The following AGBL4 variants were observed in gnomAD, a reference collection of about 807,000 sequenced individuals.
AGBL4 encodes cytosolic carboxypeptidase 6.
Under a neutral mutation model 66.4 loss-of-function variants are expected in AGBL4, and 58 were observed. That is an observed-to-expected ratio of 0.87 (90% CI 0.71 to 1.09). The LOEUF (loss-of-function observed/expected upper bound fraction) is 1.09. Ranked by LOEUF, AGBL4 falls within the 50% of genes least tolerant of loss-of-function variation. The pLI is 0.00. For missense variants in AGBL4, 579 were observed against 631.0 expected (o/e 0.92, Z 0.88); for synonymous variants, 234 against 222.9 (o/e 1.05, Z -0.44).
intron 5 of AGBL4, among the ~76,000 whole-genome samples, chr1:48,944,132 A>G (rs1656250304): frequency 6.6e-6 from 1 of 152,162 alleles, no homozygotes; most frequent in South Asian, 2.1e-4. Flanking sequence ...ATGTAGAAAT[A>G]GTCAAGGTAA....
intron 1 of AGBL4, among the ~76,000 whole-genome samples, chr1:49,894,426 G>A (rs746289692): frequency 1.3e-5 from 2 of 152,116 alleles, no homozygotes; most frequent in Non-Finnish European, 2.9e-5. Flanking sequence ...TGACCTTTCA[G>A]ACAGAAAATT....
chr1:48,692,567 T>A (rs935741710), intron 6 of AGBL4, among the ~76,000 whole-genome samples: 1 of 152,212 alleles, frequency 6.6e-6, no homozygotes, highest in African/African-American at 2.4e-5. Flanking sequence ...CTAGGACCCC[T>A]CTTCCCATCA....
chr1:49,864,677 G>A (rs1646657935), intron 1 of AGBL4, among the ~76,000 whole-genome samples: 1 of 152,186 alleles, frequency 6.6e-6, no homozygotes, highest in Non-Finnish European at 1.5e-5. Flanking sequence ...TGGATCAGGA[G>A]ATCCCCTGAT....
At chr1:48,766,024 A>C (rs1421111077) in intron 6 of AGBL4, among the ~76,000 whole-genome samples, 2 of 152,190 alleles carry the variant, frequency 1.3e-5, no homozygotes, top group East Asian at 1.9e-4. Context: ...TTAGGAATAT[A>C]CCAAAAAACA....
At chr1:50,004,076 C>T (rs1201676797) in intron 1 of AGBL4, among the ~76,000 whole-genome samples, 1 of 152,190 alleles carries the variant, frequency 6.6e-6, no homozygotes, top group East Asian at 1.9e-4. Flanking sequence ...ACTGCTCCCC[C>T]ATCCTCTGGC....
intron 3 of AGBL4, among the ~76,000 whole-genome samples, chr1:49,307,967 T>C (rs770685884): frequency 6.6e-6 from 1 of 151,496 alleles, no homozygotes; most frequent in Non-Finnish European, 1.5e-5. Flanking sequence ...CGGTGGGAGG[T>C]GATTGAATCA....
At chr1:48,984,244 T>C (rs1659996062) in intron 5 of AGBL4, among the ~76,000 whole-genome samples, 1 of 151,750 alleles carries the variant, frequency 6.6e-6, no homozygotes, top group African/African-American at 2.4e-5. Context: ...CACTACCACT[T>C]TTCAGATGTG....
intron 2 of AGBL4, among the ~76,000 whole-genome samples, chr1:49,842,982 C>T (rs1343677657): frequency 6.6e-6 from 1 of 151,994 alleles, no homozygotes; most frequent in African/African-American, 2.4e-5. Context: ...AGGCTGGGCC[C>T]TGACATGTGC....
chr1:49,337,895 T>C (rs1335082292), intron 3 of AGBL4, among the ~76,000 whole-genome samples: 1 of 152,210 alleles, frequency 6.6e-6, no homozygotes, highest in Non-Finnish European at 1.5e-5. Context: ...TTAACATTTA[T>C]TGAGCACCAA....
chr1:49,278,543 C>A (rs917029095), intron 3 of AGBL4, among the ~76,000 whole-genome samples: 1 of 152,150 alleles, frequency 6.6e-6, no homozygotes, highest in Non-Finnish European at 1.5e-5. Context: ...TTGAAGCTAT[C>A]TGCCTGCAGG....
chr1:48,845,051 G>C (rs1646880053), intron 6 of AGBL4, among the ~76,000 whole-genome samples: 1 of 152,136 alleles, frequency 6.6e-6, no homozygotes, highest in African/African-American at 2.4e-5. Flanking sequence ...CAGCTAGTAT[G>C]TTTTTTCTTG....
At chr1:48,618,943 G>GA (rs59049128) in intron 9 of AGBL4, among the ~76,000 whole-genome samples, 21,909 of 145,682 alleles carry the variant, frequency 0.15, 1,762 homozygotes, top group Non-Finnish European at 0.18. Context: ...ATTATACCAA[G>GA]AAAAAAAAAA....
chr1:48,785,741 G>A (rs1645393255), intron 6 of AGBL4, among the ~76,000 whole-genome samples: 1 of 152,150 alleles, frequency 6.6e-6, no homozygotes, highest in African/African-American at 2.4e-5. Context: ...ACAAGATGGT[G>A]ATTCTGCCTT....
At chr1:48,837,260 T>C (rs1047163632) in intron 6 of AGBL4, among the ~76,000 whole-genome samples, 1 of 152,012 alleles carries the variant, frequency 6.6e-6, no homozygotes, top group Non-Finnish European at 1.5e-5. Context: ...TTGACTTGTC[T>C]GAGTAACAAA....
intron 2 of AGBL4, among the ~76,000 whole-genome samples, chr1:49,703,544 C>G (rs944567513): frequency 6.6e-6 from 1 of 150,968 alleles, no homozygotes; most frequent in Non-Finnish European, 1.5e-5. Context: ...AAAACACTTC[C>G]ATCAAACTTC....
chr1:49,799,648 T>C (rs1378873213), intron 2 of AGBL4, among the ~76,000 whole-genome samples: 1 of 151,976 alleles, frequency 6.6e-6, no homozygotes, highest in Non-Finnish European at 1.5e-5. Context: ...GCAAAGGTAT[T>C]AGGAAGTGAA....
chr1:48,941,972 A>G (rs1656011268), intron 5 of AGBL4, among the ~76,000 whole-genome samples: 2 of 152,212 alleles, frequency 1.3e-5, no homozygotes, highest in South Asian at 2.1e-4. Context: ...CCACTTTCCA[A>G]TGCCTTTTTC....
In AGBL4 at chr1:49,258,556, G is replaced by C. The variant is rs1652773964; in HGVS notation, c.283-12692C>G. ...CGATCAACTGGAAGAAAGGGTATCA[G>C]TGATGGAAGATGAAATGAATGAAAT... On this transcript the variant is annotated intron_variant, in intron 3 of 13. Transcript: ENST00000371839. Among the ~76,000 whole-genome samples, 4 of 152,144 alleles carry C rather than the reference G, an allele frequency of 2.6e-5. No homozygotes were observed. The South Asian group carries it at 8.3e-4, about 32-fold the overall frequency.
At chr1:49,566,619 G>T (rs1644211058) in intron 3 of AGBL4, among the ~76,000 whole-genome samples, 1 of 152,170 alleles carries the variant, frequency 6.6e-6, no homozygotes, top group African/African-American at 2.4e-5. Flanking sequence ...AGCGGATATT[G>T]GTGAACCGCA....
Sources: allele counts gnomAD v4.1 joint callset (sites outside exome capture counted in the v4.1 genomes callset), GRCh38; gene constraint gnomAD v4.1.1; transcripts MANE v1.5; gene names NCBI Gene and HGNC (gene_info 2026-07-23, HGNC 2026-07-21).